DHRSX: variants seen among roughly 807,000 people sequenced by gnomAD.
DHRSX encodes polyprenol dehydrogenase.
In DHRSX, 31 loss-of-function variants were observed where a neutral mutation model predicts 34.0. The ratio of observed to expected loss-of-function variants is 0.91; its 90% confidence interval spans 0.69 to 1.23. The LOEUF (loss-of-function observed/expected upper bound fraction) is 1.23, where lower values mean the gene tolerates loss of function less well. Ranked by LOEUF, DHRSX falls within the 50% of genes most tolerant of loss-of-function variation. DHRSX has a pLI of 0.00. For synonymous variants in DHRSX, 201 were observed against 183.8 expected, an observed-to-expected ratio of 1.09 and a Z score of -0.76; for missense variants, 414 against 428.1, an observed-to-expected ratio of 0.97 and a Z score of 0.29.
intron 2 of DHRSX, among the ~76,000 whole-genome samples, chrX:2,422,970 T>C (rs921000926): frequency 1.3e-4 from 20 of 151,428 alleles, no homozygotes; most frequent in African/African-American, 4.8e-4. Context: ...GCCCAGCTAA[T>C]TTTTGTGTTT....
At chrX:2,227,311 CA>C (rs947564142) in intron 6 of DHRSX, among the ~76,000 whole-genome samples, 12 of 135,490 alleles carry the variant, frequency 8.9e-5, no homozygotes, top group Middle Eastern at 3.6e-3. Context: ...GACAGAGAAA[CA>C]AAAAAAATCA....
intron 1 of DHRSX, chrX:2,488,899 C>T (rs2045035888): frequency 6.2e-7 from 1 of 1,609,132 alleles, no homozygotes; most frequent in South Asian, 1.1e-5. Flanking sequence ...CGCACCAGTA[C>T]TTCTGCAGCA....
At chrX:2,249,902 G>A (rs1365000816) in intron 5 of DHRSX, among the ~76,000 whole-genome samples, 1 of 151,574 alleles carries the variant, frequency 6.6e-6, no homozygotes, top group Non-Finnish European at 1.5e-5. Context: ...GGTGGCTCAC[G>A]TCTGTAATCC....
intron 4 of DHRSX, among the ~76,000 whole-genome samples, chrX:2,289,023 C>T (rs2041837321): frequency 6.6e-6 from 1 of 152,192 alleles, no homozygotes; most frequent in African/African-American, 2.4e-5. Flanking sequence ...TATCCACTGT[C>T]ACAGATGTGG....
intron 3 of DHRSX, among the ~76,000 whole-genome samples, chrX:2,353,402 G>A (rs975143205): frequency 3.3e-5 from 5 of 151,954 alleles, no homozygotes; most frequent in African/African-American, 4.8e-5. Context: ...AGAAAAAAGC[G>A]TCCAGGAATT....
intron 4 of DHRSX, among the ~76,000 whole-genome samples, chrX:2,272,807 C>T (rs762677925): frequency 4.3e-4 from 66 of 152,266 alleles, no homozygotes; most frequent in Non-Finnish European, 7.2e-4. Flanking sequence ...ACAGGAGACC[C>T]CCCAGGCAGA....
At chrX:2,443,954 T>C (rs1403813801) in intron 1 of DHRSX, among the ~76,000 whole-genome samples, 4 of 145,720 alleles carry the variant, frequency 2.7e-5, no homozygotes, top group South Asian at 2.1e-4. Context: ...TGCAGTGAGC[T>C]GAGATCACAC....
chrX:2,487,051 G>A (rs770879425), intron 1 of DHRSX: 3 of 152,312 alleles, frequency 2.0e-5, no homozygotes, highest in African/African-American at 4.8e-5. Flanking sequence ...GCTGCACGTA[G>A]AATCCAAGCA....
At chrX:2,411,297 C>G (rs1378624896) in intron 2 of DHRSX, among the ~76,000 whole-genome samples, 1 of 151,754 alleles carries the variant, frequency 6.6e-6, no homozygotes, top group East Asian at 1.9e-4. Flanking sequence ...TAATCTCAGC[C>G]CTTTGGGATT....
intron 3 of DHRSX, among the ~76,000 whole-genome samples, chrX:2,300,447 T>C (rs2041996876): frequency 6.6e-6 from 1 of 152,110 alleles, no homozygotes; most frequent in Non-Finnish European, 1.5e-5. Flanking sequence ...CCTGGGTGTG[T>C]CTGTGAGGGT....
chrX:2,315,925 G>C (rs1344794556), intron 3 of DHRSX, among the ~76,000 whole-genome samples: 3 of 152,026 alleles, frequency 2.0e-5, no homozygotes, highest in Non-Finnish European at 4.4e-5. Flanking sequence ...GCAGTTTCGC[G>C]ATCTCAGCTC....
chrX:2,354,525 A>C (rs965352263), intron 3 of DHRSX, among the ~76,000 whole-genome samples: 1 of 152,026 alleles, frequency 6.6e-6, no homozygotes, highest in African/African-American at 2.4e-5. Context: ...GCAGTGGCGC[A>C]ATCTCGGCTC....
chrX:2,233,035 T>C (rs66621076), intron 6 of DHRSX, among the ~76,000 whole-genome samples: 122,601 of 152,014 alleles, frequency 0.81, 49,764 homozygotes, highest in East Asian at 0.95. Context: ...AGAATGGTTT[T>C]ATACTCTTAA....
intron 3 of DHRSX, among the ~76,000 whole-genome samples, chrX:2,336,814 G>A (rs2042572289): frequency 1.3e-5 from 2 of 149,944 alleles, no homozygotes; most frequent in South Asian, 2.1e-4. Flanking sequence ...GTGTGTGGTC[G>A]TTTATTACAG....
intron 6 of DHRSX, among the ~76,000 whole-genome samples, chrX:2,235,798 T>A (rs2016000129): frequency 6.9e-6 from 1 of 145,660 alleles, no homozygotes; most frequent in Non-Finnish European, 1.5e-5. Context: ...TTTAAATTTA[T>A]AATAAATAAG....
intron 3 of DHRSX, among the ~76,000 whole-genome samples, chrX:2,330,251 G>A (rs1050284605): frequency 5.3e-5 from 8 of 151,294 alleles, no homozygotes; most frequent in African/African-American, 1.2e-4. Context: ...GGCCAGGTGC[G>A]GTGTCTCATG....
chrX:2,299,363 C>T (rs2041984173), intron 3 of DHRSX, among the ~76,000 whole-genome samples: 1 of 152,096 alleles, frequency 6.6e-6, no homozygotes. Flanking sequence ...GATTCACGCA[C>T]CTGCTGTGTC....
intron 1 of DHRSX, chrX:2,488,728 C>G (rs760406358): frequency 1.8e-5 from 29 of 1,613,852 alleles, no homozygotes; most frequent in Non-Finnish European, 2.2e-5. Context: ...CCCACTCCCC[C>G]TCGTCCTGGT....
intron 3 of DHRSX, among the ~76,000 whole-genome samples, chrX:2,298,317 GTTTTT>G (rs529844889): frequency 3.2e-5 from 4 of 123,696 alleles, no homozygotes; most frequent in African/African-American, 5.8e-5. Flanking sequence ...CAGTTTTGGT[GTTTTT>G]TTTTTTTTTG....
Sources: allele counts gnomAD v4.1 joint callset (sites outside exome capture counted in the v4.1 genomes callset), GRCh38; gene constraint gnomAD v4.1.1; transcripts MANE v1.5; gene names NCBI Gene and HGNC (gene_info 2026-07-23, HGNC 2026-07-21).